Variants in DAG1 observed in about 807,000 individuals in gnomAD.
DAG1 encodes dystroglycan 1 (dystrophin-associated glycoprotein 1).
A neutral mutation model predicts 46.1 loss-of-function variants in DAG1; 8 were observed. The ratio of observed to expected loss-of-function variants is 0.17; its 90% CI spans 0.10 to 0.31. The LOEUF is 0.31. DAG1 is among the 10% of genes least tolerant of loss of function. DAG1 has a pLI of 1.00. For synonymous variants in DAG1, 495 were observed against 481.8 expected (o/e 1.03, Z -0.36); for missense variants, 1,003 against 1,189.9 (o/e 0.84, Z 2.31).
chr3:49,470,384 C>T lies in DAG1; in HGVS notation c.-166C>T, dbSNP rs950205720. On this transcript the variant is annotated 5_prime_UTR_variant, in exon 1 of 3. Coordinates refer to ENST00000308775, the MANE Select transcript of DAG1 (RefSeq NM_004393.6). ...CCCGGGGAGCGGCGGTGGCGGCGTCCTGGGGCCAGGAGGAGCGAACACCTG... is the reference window on the plus strand; with the variant it reads ...CCCGGGGAGCGGCGGTGGCGGCGTCTTGGGGCCAGGAGGAGCGAACACCTG... 6.5e-6 allele frequency: 1 copy of T among 152,682 alleles called. No homozygotes were observed. Among genetic ancestry groups the T allele is most frequent in the African/African-American group, 2.4e-5 (1 of 41,458 alleles). 9.5% of individuals were successfully genotyped at this position (152,682 alleles called of 1,614,324 possible).
intron 1 of DAG1, among the ~76,000 whole-genome samples, chr3:49,485,349 A>T (rs1419027097): frequency 1.3e-5 from 2 of 152,032 alleles, no homozygotes; most frequent in Non-Finnish European, 2.9e-5. Flanking sequence ...CCTTTTGGAG[A>T]CAAAAGGCCT....
At chr3:49,493,184 T>C (rs572418548) in intron 1 of DAG1, among the ~76,000 whole-genome samples, 1 of 151,704 alleles carries the variant, frequency 6.6e-6, no homozygotes, top group South Asian at 2.1e-4. Flanking sequence ...GCTCAGATTA[T>C]AGGCATGCGT....
chr3:49,481,057 G>A (rs1319116540), intron 1 of DAG1, among the ~76,000 whole-genome samples: 4 of 147,086 alleles, frequency 2.7e-5, no homozygotes, highest in Non-Finnish European at 6.0e-5. Context: ...CACCACGCCC[G>A]GCCTGCATAA....
Position 49,532,562 on chromosome 3 carries a change from A to G in DAG1, c.2051A>G (p.Asp684Gly), listed in dbSNP as rs2051388402. 1.2e-6 allele frequency: 2 copies of G among 1,612,572 alleles called. No individual in the cohort carries two copies. The highest frequency in any genetic ancestry group is 2.2e-5 in the South Asian group (2 of 91,078). Residue 684 changes from aspartate to glycine, a missense_variant, in exon 3 of 3, where the codon GAT becomes GGT. By Grantham distance (94) the Asp-to-Gly change is moderately conservative. This residue lies in a region of DAG1 where 755 missense variants were observed against 854.1 expected (regional missense o/e 0.88). Transcript: ENST00000308775. This position sits in a 1 kb window ranked among gnomAD's most constrained non-coding sequence, Gnocchi z 5.4. ...GGGCTGAGCCGCCGGATCGCTGAGG[A>G]TGATGGAAAACCTCGGCCTGCCTTC... ...IAGLSRRIAE[D>G]DGKPRPAFSN...
At chr3:49,483,955 A>G (rs935741548) in intron 1 of DAG1, among the ~76,000 whole-genome samples, 1 of 152,212 alleles carries the variant, frequency 6.6e-6, no homozygotes, top group African/African-American at 2.4e-5. Flanking sequence ...CACCCGGCCC[A>G]GAAGTGTCTT....
chr3:49,527,383 GCA>G (rs2051204488), intron 2 of DAG1, among the ~76,000 whole-genome samples: 3 of 152,188 alleles, frequency 2.0e-5, no homozygotes, highest in Admixed American at 1.3e-4. Flanking sequence ...AATTAGCCGG[GCA>G]CGGTGGCGGG....
chr3:49,483,176 C>T (rs1188260718), intron 1 of DAG1, among the ~76,000 whole-genome samples: 2 of 151,554 alleles, frequency 1.3e-5, no homozygotes, highest in Non-Finnish European at 2.9e-5. Flanking sequence ...CCTGTAAACA[C>T]TCCTGCTTGG....
At chr3:49,522,768 C>T (rs759763059) in intron 2 of DAG1, among the ~76,000 whole-genome samples, 17 of 152,212 alleles carry the variant, frequency 1.1e-4, no homozygotes, top group Non-Finnish European at 2.2e-4. Flanking sequence ...AGCACATCGT[C>T]TCTAAGGGTT....
intron 1 of DAG1, among the ~76,000 whole-genome samples, chr3:49,479,420 C>T (rs2049796920): frequency 6.6e-6 from 1 of 151,092 alleles, no homozygotes; most frequent in African/African-American, 2.4e-5. Flanking sequence ...AGTGATTCTC[C>T]TATCTCAGCC....
chr3:49,496,854 T>G (rs1263208614), intron 1 of DAG1, among the ~76,000 whole-genome samples: 1 of 151,936 alleles, frequency 6.6e-6, no homozygotes, highest in Admixed American at 6.6e-5. Flanking sequence ...CTCCATCTCT[T>G]GATCTCGTGA....
At chr3:49,473,486 A>G (rs2049587378) in intron 1 of DAG1, among the ~76,000 whole-genome samples, 1 of 151,946 alleles carries the variant, frequency 6.6e-6, no homozygotes, top group African/African-American at 2.4e-5. Context: ...GGGGTACTGC[A>G]TTTCCTCTTG....
chr3:49,493,036 C>CTTTTTTTTTT (rs55708660), intron 1 of DAG1: 18 of 86,382 alleles, frequency 2.1e-4, no homozygotes, highest in South Asian at 4.4e-4. Flanking sequence ...TATTTTTATT[C>CTTTTTTTTTT]TTTTTTTTTT....
chr3:49,485,657 CTTTTTTTTTTTTTTT>C (rs749730213), intron 1 of DAG1, among the ~76,000 whole-genome samples: 2 of 82,110 alleles, frequency 2.4e-5, no homozygotes, highest in South Asian at 9.6e-4. Context: ...TGTTTTCTTT[CTTTTTTTTTTTTTTT>C]TTTTTTTGAG....
intron 1 of DAG1, among the ~76,000 whole-genome samples, chr3:49,496,378 G>A (rs1218635156): frequency 8.7e-6 from 1 of 115,288 alleles, no homozygotes; most frequent in African/African-American, 3.3e-5. Context: ...TTTTTTTTGA[G>A]ATGGAGTCTC....
At chr3:49,491,322 T>A (rs113275256) in intron 1 of DAG1, among the ~76,000 whole-genome samples, 5,829 of 151,204 alleles carry the variant, frequency 0.039, 389 homozygotes, top group African/African-American at 0.13. Context: ...GTTGTTTTTT[T>A]TTTTTTTGAG....
At chr3:49,483,629 A>G (rs1222613790) in intron 1 of DAG1, among the ~76,000 whole-genome samples, 1 of 152,086 alleles carries the variant, frequency 6.6e-6, no homozygotes, top group Non-Finnish European at 1.5e-5. Context: ...TCTTGGAGAA[A>G]ATGAGTAAGT....
At chr3:49,524,205 T>C (rs1250239172) in intron 2 of DAG1, among the ~76,000 whole-genome samples, 1 of 152,122 alleles carries the variant, frequency 6.6e-6, no homozygotes, top group Non-Finnish European at 1.5e-5. Context: ...AGGGTGGGGC[T>C]CCTAGTGGAA....
At chr3:49,490,262 A>T (rs1054020151) in intron 1 of DAG1, among the ~76,000 whole-genome samples, 4 of 151,866 alleles carry the variant, frequency 2.6e-5, no homozygotes, top group Admixed American at 2.0e-4. Context: ...CTGAGGCAGG[A>T]GAATGATGTG....
intron 2 of DAG1, among the ~76,000 whole-genome samples, chr3:49,513,499 G>A (rs893695463): frequency 6.6e-6 from 1 of 151,892 alleles, no homozygotes; most frequent in African/African-American, 2.4e-5. Flanking sequence ...ATTAGAAATG[G>A]CCACAAGTTC....
Sources: gnomAD v4.1 joint callset for allele counts (sites outside exome capture counted in the v4.1 genomes callset) on GRCh38, gnomAD v4.1.1 for gene constraint, gnomAD v4.1.1 regional missense constraint, Gnocchi (gnomAD v3.1) non-coding constraint, MANE v1.5 for transcripts, NCBI Gene and HGNC (gene_info 2026-07-23, HGNC 2026-07-21) for gene names.